The following FNDC1 variants were observed in gnomAD, a reference collection of about 807,000 sequenced individuals.
FNDC1 encodes fibronectin type III domain-containing protein 1.
FNDC1 carries 96 observed loss-of-function variants against 168.0 expected under a neutral mutation model. The observed-to-expected ratio is 0.57, with a 90% CI of 0.48 to 0.68. FNDC1 has a LOEUF of 0.68. Ranked by LOEUF, FNDC1 falls within the 30% of genes least tolerant of loss-of-function variation. The pLI, the probability that FNDC1 is intolerant of heterozygous loss-of-function variation, is 0.00. For synonymous variants in FNDC1, 1,099 were observed against 1,025.9 expected, an observed-to-expected ratio of 1.07 and a Z score of -1.36; for missense variants, 2,587 against 2,482.1, an observed-to-expected ratio of 1.04 and a Z score of -0.90.
chr6:159,269,058 GTCTA>G (rs201260395), intron 22 of FNDC1, among the ~76,000 whole-genome samples: 10,190 of 136,830 alleles, frequency 0.074, 537 homozygotes, highest in African/African-American at 0.15. Context: ...CTATCTATCT[GTCTA>G]TCTATCTATC....
intron 4 of FNDC1, among the ~76,000 whole-genome samples, chr6:159,210,718 A>T (rs754349240): frequency 6.6e-6 from 1 of 152,054 alleles, no homozygotes; most frequent in Admixed American, 6.6e-5. Flanking sequence ...AACTTTGGAG[A>T]TGTCAGGCAG....
intron 22 of FNDC1, among the ~76,000 whole-genome samples, chr6:159,269,191 T>C (rs985047555): frequency 1.3e-4 from 19 of 150,546 alleles, no homozygotes; most frequent in African/African-American, 4.4e-4. Context: ...TATCCATCCA[T>C]TATCTACCTA....
At chr6:159,197,370 A>T (rs1782267243) in intron 1 of FNDC1, 61 bp from the exon 2 acceptor site, 11 of 1,454,062 alleles carry the variant, frequency 7.6e-6, no homozygotes, top group African/African-American at 2.8e-5. Context: ...AAAGACGATT[A>T]AAAAAATTCG....
At chr6:159,260,167 A>G (rs1024918964) in intron 18 of FNDC1, among the ~76,000 whole-genome samples, 1 of 152,254 alleles carries the variant, frequency 6.6e-6, no homozygotes, top group Admixed American at 6.5e-5. Flanking sequence ...AAAATGACAG[A>G]GCCACCAGGG....
chr6:159,194,203 C>T (rs765553560), intron 1 of FNDC1, among the ~76,000 whole-genome samples: 1 of 152,182 alleles, frequency 6.6e-6, no homozygotes, highest in Non-Finnish European at 1.5e-5. Flanking sequence ...AGCTTATTTC[C>T]TCATTTTGCA....
rs1345912928 is a variant in FNDC1, at chr6:159,233,740, G to C, written c.3228G>C (p.Gln1076His). The change falls in exon 11 of 23, where the codon CAG becomes CAC. Residue 1076 changes from glutamine (Q) to histidine (H), a missense_variant. Physicochemically the swap from Gln to His is conservative, Grantham distance 24. Transcript: ENST00000297267. This position sits in a 1 kb window ranked among gnomAD's most constrained non-coding sequence, Gnocchi z 4.6. ...TALQNQDEDA[Q>H]GSYDDDSTEV... ...TCCAGAACCAGGACGAGGATGCCCA[G>C]GGCAGCTACGACGACGACAGCACAG... 1 of 1,549,212 alleles carries C rather than the reference G, an allele frequency of 6.5e-7. No individual in the cohort carries two copies. The highest frequency in any genetic ancestry group is 8.7e-7 in the Non-Finnish European group (1 of 1,146,468).
intron 1 of FNDC1, among the ~76,000 whole-genome samples, chr6:159,194,775 A>G (rs1782209280): frequency 6.6e-6 from 1 of 152,110 alleles, no homozygotes; most frequent in South Asian, 2.1e-4. Context: ...CCCCTTAGTT[A>G]GATGCTGGTT....
chr6:159,183,024 T>C (rs1781915452), intron 1 of FNDC1, among the ~76,000 whole-genome samples: 1 of 152,212 alleles, frequency 6.6e-6, no homozygotes, highest in Admixed American at 6.5e-5. Flanking sequence ...CTGGGTCATT[T>C]TGTACCAGGT....
At chr6:159,242,051 C>T (rs1783433162) in intron 14 of FNDC1, among the ~76,000 whole-genome samples, 2 of 152,138 alleles carry the variant, frequency 1.3e-5, no homozygotes, top group Admixed American at 1.3e-4. Flanking sequence ...CATTGCAGCA[C>T]TATTCACAAT....
intron 4 of FNDC1, among the ~76,000 whole-genome samples, chr6:159,211,240 G>T (rs1413701154): frequency 6.6e-6 from 1 of 152,174 alleles, no homozygotes; most frequent in African/African-American, 2.4e-5. Flanking sequence ...GCAGTGGGGT[G>T]TCAGATCGGT....
At chr6:159,236,183 G>C (rs375391520) in intron 11 of FNDC1, 32 bp from the exon 12 acceptor site, 2 of 1,514,632 alleles carry the variant, frequency 1.3e-6, no homozygotes, top group African/African-American at 2.7e-5. Flanking sequence ...AATTTACCAG[G>C]CTCTGTTATT....
intron 1 of FNDC1, among the ~76,000 whole-genome samples, chr6:159,185,670 A>G (rs916556061): frequency 6.6e-6 from 1 of 152,198 alleles, no homozygotes; most frequent in African/African-American, 2.4e-5. Context: ...GTAAAAAAGG[A>G]GGAAGGTACA....
At chr6:159,194,058 G>A (rs1018593081) in intron 1 of FNDC1, among the ~76,000 whole-genome samples, 3 of 152,234 alleles carry the variant, frequency 2.0e-5, no homozygotes, top group African/African-American at 7.2e-5. Context: ...TGGAGTCATA[G>A]CAGGCTCTTA....
intron 14 of FNDC1, among the ~76,000 whole-genome samples, chr6:159,242,100 T>C (rs1404547588): frequency 1.3e-5 from 2 of 152,148 alleles, no homozygotes. Flanking sequence ...CCATCAACGA[T>C]AGACTAGATA....
Position 159,226,479 on chromosome 6 carries a change from C to T in FNDC1, c.1079C>T (p.Thr360Ile). ...TTTCCTTGTCATTTTGTAGCCCCTA[C>T]CACAGCTCCTGAAAACTTGAACGTC... The part of the protein sequence containing the change: ...VFQRTPESAP[T>I]TAPENLNVWP... The change falls in exon 9 of 23, where the codon ACC (threonine) becomes ATC (isoleucine). Residue 360 changes from threonine (T) to isoleucine (I), a missense_variant. Physicochemically the swap from Thr to Ile is moderately conservative, Grantham distance 89. Coordinates refer to ENST00000297267, the MANE Select transcript of FNDC1 (RefSeq NM_032532.3). 1 of 1,611,330 alleles carries T rather than the reference C, an allele frequency of 6.2e-7. No homozygotes were observed. The highest frequency in any genetic ancestry group is 1.7e-4 in the Middle Eastern group (1 of 6,044).
intron 1 of FNDC1, among the ~76,000 whole-genome samples, chr6:159,187,314 C>T (rs1297403234): frequency 6.6e-6 from 1 of 152,158 alleles, no homozygotes; most frequent in Non-Finnish European, 1.5e-5. Flanking sequence ...CTCGTGGCAC[C>T]TGGGACACCT....
At chr6:159,245,704 T>C (rs1287528468) in intron 14 of FNDC1, among the ~76,000 whole-genome samples, 2 of 152,206 alleles carry the variant, frequency 1.3e-5, no homozygotes, top group African/African-American at 2.4e-5. Context: ...CACTCATATG[T>C]TACTTATGCT....
chr6:159,200,112 GTGT>G (rs1241015234), intron 3 of FNDC1, 30 bp downstream of exon 3: 1 of 1,493,786 alleles, frequency 6.7e-7, no homozygotes. Context: ...AGAGGCTGTA[GTGT>G]TGTTACTTAG....
At chr6:159,266,631 T>C (rs1282216326) in intron 21 of FNDC1, among the ~76,000 whole-genome samples, 1 of 149,890 alleles carries the variant, frequency 6.7e-6, no homozygotes, top group Non-Finnish European at 1.5e-5. Flanking sequence ...GTCTTAGGAA[T>C]GACATAGTGA....
Sources: allele counts gnomAD v4.1 joint callset (sites outside exome capture counted in the v4.1 genomes callset), GRCh38; gene constraint gnomAD v4.1.1; non-coding constraint Gnocchi (gnomAD v3.1); transcripts MANE v1.5; gene names NCBI Gene and HGNC (gene_info 2026-07-23, HGNC 2026-07-21).